Variants in STRN3 observed in about 807,000 individuals in gnomAD.
The protein encoded by STRN3 is striatin-3.
A neutral mutation model predicts 95.6 loss-of-function variants in STRN3; 29 were observed. The ratio of observed to expected loss-of-function variants is 0.30; its 90% confidence interval spans 0.23 to 0.41. The LOEUF (loss-of-function observed/expected upper bound fraction) is 0.41. Ranked by LOEUF, STRN3 falls within the 10% of genes least tolerant of loss-of-function variation. The pLI, the probability that STRN3 is intolerant of heterozygous loss-of-function variation, is 1.00. For synonymous variants in STRN3, 331 were observed against 357.6 expected (o/e 0.93, Z 0.84); for missense variants, 890 against 972.1 (o/e 0.92, Z 1.12).
intron 9 of STRN3, among the ~76,000 whole-genome samples, chr14:30,916,142 T>A (rs1422245891): frequency 6.6e-6 from 1 of 152,164 alleles, no homozygotes; most frequent in East Asian, 1.9e-4. Flanking sequence ...CAGCTACTCA[T>A]CTGTTTGCCC....
At chr14:30,895,633 T>C in intron 17 of STRN3, 29 bp downstream of exon 17, 1 of 1,611,488 alleles carries the variant, frequency 6.2e-7, no homozygotes, top group Non-Finnish European at 8.5e-7. Context: ...TTATAAAGTT[T>C]GTGGGCAGTA....
chr14:30,928,559 C>T (rs1434001722), intron 8 of STRN3, among the ~76,000 whole-genome samples: 1 of 152,176 alleles, frequency 6.6e-6, no homozygotes, highest in East Asian at 1.9e-4. Context: ...AGCAGATTTA[C>T]ATTTTAATAA....
intron 1 of STRN3, among the ~76,000 whole-genome samples, chr14:30,974,434 A>G (rs944092818): frequency 1.3e-5 from 2 of 149,398 alleles, no homozygotes; most frequent in Non-Finnish European, 2.9e-5. Context: ...TAAATGAAAC[A>G]TATCTCATGT....
At chr14:30,968,399 A>AC (rs1880646769) in intron 1 of STRN3, among the ~76,000 whole-genome samples, 1 of 151,598 alleles carries the variant, frequency 6.6e-6, no homozygotes, top group African/African-American at 2.4e-5. Flanking sequence ...AAAAAAAAAA[A>AC]AAACAGGCGT....
intron 1 of STRN3, among the ~76,000 whole-genome samples, chr14:31,021,688 A>G (rs1180782990): frequency 2.0e-5 from 3 of 152,222 alleles, no homozygotes; most frequent in Non-Finnish European, 4.4e-5. Context: ...AAGCAAAAGA[A>G]AACAGTTTTG....
intron 1 of STRN3, among the ~76,000 whole-genome samples, chr14:31,005,469 T>A (rs568528179): frequency 1.5e-4 from 23 of 152,360 alleles, no homozygotes; most frequent in African/African-American, 5.5e-4. Context: ...ATACTTAACC[T>A]TTTTATCTGT....
At chr14:30,956,429 G>A (rs1879907891) in intron 1 of STRN3, among the ~76,000 whole-genome samples, 187 bp from the exon 2 acceptor site, 1 of 152,142 alleles carries the variant, frequency 6.6e-6, no homozygotes, top group Admixed American at 6.5e-5. Flanking sequence ...AAGGCAGTAG[G>A]ACTGCTTGAG....
At chr14:30,910,060 C>T (rs114555467) in intron 13 of STRN3, among the ~76,000 whole-genome samples, 3,421 of 152,272 alleles carry the variant, frequency 0.022, 110 homozygotes, top group South Asian at 0.073. Flanking sequence ...TTCCACTCTT[C>T]TCGCCCCCAA....
At chr14:31,005,564 T>C (rs553588821) in intron 1 of STRN3, among the ~76,000 whole-genome samples, 2 of 152,230 alleles carry the variant, frequency 1.3e-5, no homozygotes, top group African/African-American at 4.8e-5. Flanking sequence ...GCATAGTGAA[T>C]TGGGGTCTCG....
intron 1 of STRN3, chr14:31,025,049 C>T (rs916144537): frequency 2.0e-5 from 3 of 152,172 alleles, no homozygotes; most frequent in Non-Finnish European, 2.9e-5. Flanking sequence ...TCTCACTTTG[C>T]TTCTCCTGCA....
rs1879414523 is a variant in STRN3, at chr14:30,947,355, T to C, written c.543-92A>G. ...AATTTTAGAAAAACCCATAATCCTA[T>C]AAAATATGCTCTCCCTTTGTCTCAG... is the stretch of plus-strand genomic sequence containing the variant. On this transcript the variant is annotated intron_variant, in intron 4 of 17. Coordinates refer to ENST00000357479, the MANE Select transcript of STRN3 (RefSeq NM_001083893.2). The C allele has an allele frequency of 5.3e-6, 5 of 947,026 alleles. No homozygotes were observed. In the East Asian group the frequency reaches 1.1e-4, roughly 20 times the overall value. 58.7% of individuals were successfully genotyped at this position (947,026 alleles called of 1,614,324 possible).
chr14:30,958,346 A>G (rs980708438), intron 1 of STRN3, among the ~76,000 whole-genome samples: 1 of 152,196 alleles, frequency 6.6e-6, no homozygotes, highest in African/African-American at 2.4e-5. Context: ...ATAAGCAGCT[A>G]CATGACACTT....
At chr14:30,961,889 G>T (rs976361554) in intron 1 of STRN3, among the ~76,000 whole-genome samples, 1 of 152,344 alleles carries the variant, frequency 6.6e-6, no homozygotes, top group East Asian at 1.9e-4. Flanking sequence ...TTACAGGTGT[G>T]AACCATCGTG....
At chr14:30,960,319 C>A (rs187142233) in intron 1 of STRN3, among the ~76,000 whole-genome samples, 1 of 152,218 alleles carries the variant, frequency 6.6e-6, no homozygotes, top group East Asian at 1.9e-4. Context: ...ACCCGGGCAA[C>A]AGAGTTTCAA....
chr14:30,929,966 A>AC lies in STRN3; in HGVS notation c.989-656_989-655insG, dbSNP rs1566441417. Among the ~76,000 whole-genome samples the AC allele has an allele frequency of 3.4e-4, 37 of 108,312 alleles. 3 individuals are homozygous for AC. Among genetic ancestry groups the AC allele is most frequent in the East Asian group, 1.6e-3 (4 of 2,502 alleles). The allele number at this position is 108,312 out of a possible 152,430, so 71.1% of individuals were successfully genotyped here. The stretch of plus-strand genomic sequence containing the variant: ...CAACTAAGATTAGCAAAAAAAAAAA[A>AC]AAAAAAAAAAAAACTCAAATTCCAC... On this transcript the variant is annotated intron_variant, in intron 7 of 17. Transcript: ENST00000357479.
chr14:30,989,648 T>C (rs1881857055), intron 1 of STRN3, among the ~76,000 whole-genome samples: 1 of 151,894 alleles, frequency 6.6e-6, no homozygotes, highest in Admixed American at 6.6e-5. Context: ...TTTTTAGAGA[T>C]GGGGTTTCAC....
At chr14:31,002,181 AAAAAAAAC>A (rs1158596763) in intron 1 of STRN3, among the ~76,000 whole-genome samples, 1 of 120,650 alleles carries the variant, frequency 8.3e-6, no homozygotes, top group Non-Finnish European at 1.7e-5. Flanking sequence ...AAAAAAAAAA[AAAAAAAAC>A]AAGGCCAGGC....
At chr14:31,000,046 A>G (rs1882373826) in intron 1 of STRN3, among the ~76,000 whole-genome samples, 1 of 152,196 alleles carries the variant, frequency 6.6e-6, no homozygotes, top group South Asian at 2.1e-4. Flanking sequence ...ATCCTTTAAA[A>G]ATGAAGGAGA....
At chr14:31,013,752 G>T (rs1184118225) in intron 1 of STRN3, among the ~76,000 whole-genome samples, 1 of 149,102 alleles carries the variant, frequency 6.7e-6, no homozygotes, top group Non-Finnish European at 1.5e-5. Context: ...CACTATGTCT[G>T]GCTAAATTTT....
Sources: allele counts gnomAD v4.1 joint callset (sites outside exome capture counted in the v4.1 genomes callset), GRCh38; gene constraint gnomAD v4.1.1; transcripts MANE v1.5; gene names NCBI Gene and HGNC (gene_info 2026-07-23, HGNC 2026-07-21).